DIAPH1: variants seen among roughly 807,000 people sequenced by gnomAD.
DIAPH1 encodes the protein protein diaphanous homolog 1.
Under a neutral mutation model 140.7 loss-of-function variants are expected in DIAPH1, and 46 were observed. That is an observed-to-expected ratio of 0.33 (90% CI 0.26 to 0.42). The LOEUF (loss-of-function observed/expected upper bound fraction) is 0.42, where lower values mean the gene tolerates loss of function less well. Ranked by LOEUF, DIAPH1 falls within the 10% of genes least tolerant of loss-of-function variation. DIAPH1 has a pLI of 1.00. For missense variants in DIAPH1, 1,310 were observed against 1,558.7 expected, an observed-to-expected ratio of 0.84 and a Z score of 2.69; for synonymous variants, 565 against 551.6, an observed-to-expected ratio of 1.02 and a Z score of -0.34.
intron 18 of DIAPH1, chr5:141,564,953 C>T (rs1254242249): frequency 1.3e-5 from 2 of 151,988 alleles, no homozygotes; most frequent in Non-Finnish European, 2.9e-5. Flanking sequence ...TTTTATTTTT[C>T]GTGGAAGTAT....
chr5:141,579,244 C>T lies in DIAPH1; in HGVS notation c.825-48G>A, dbSNP rs370857221. ...AGAGAACTTTCCAGGTACTGTGACA[C>T]GGACACGTATAATGAGTAAATTACA... On this transcript the variant is annotated intron_variant, in intron 8 of 27. Transcript: ENST00000389054. 3.2e-5 allele frequency: 45 copies of T among 1,386,228 alleles called. 1 individual carries two copies. The highest frequency in any genetic ancestry group is 2.3e-4 in the Admixed American group (14 of 59,712). The allele number at this position is 1,386,228 out of a possible 1,614,324, so 85.9% of individuals were successfully genotyped here.
At chr5:141,543,232 A>G (rs1173630326) in intron 18 of DIAPH1, among the ~76,000 whole-genome samples, 4 of 152,206 alleles carry the variant, frequency 2.6e-5, no homozygotes, top group African/African-American at 9.6e-5. Context: ...CGAACCTTGC[A>G]AGCATCATGA....
At chr5:141,578,953 C>T (rs2099896353) in intron 9 of DIAPH1, 135 bp downstream of exon 9, 1 of 790,376 alleles carries the variant, frequency 1.3e-6, no homozygotes, top group African/African-American at 1.7e-5. Context: ...TAATCATTTT[C>T]CCTTCATAAC....
At position 141,516,122 on chromosome 5, in the gene DIAPH1, G is replaced by C. The variant is rs1370592915; in HGVS notation, c.*729C>G. 1 of 156,688 alleles carries C rather than the reference G, an allele frequency of 6.4e-6. No homozygotes were observed. Among genetic ancestry groups the C allele is most frequent in the Non-Finnish European group, 1.4e-5 (1 of 70,780 alleles). The allele number at this position is 156,688 out of a possible 1,614,324, so 9.7% of individuals were successfully genotyped here. A position where few individuals can be genotyped will look rare whatever the true frequency, so the allele number is the denominator to read the frequency against. On this transcript the variant is annotated 3_prime_UTR_variant, in exon 28 of 28. Coordinates refer to ENST00000389054, the MANE Select transcript of DIAPH1 (RefSeq NM_005219.5). ...GCCTGGGGTTGGTGCAGAGCGTCCA[G>C]AGAGGCAAGGGCATAAAGCGTGGCA...
intron 19 of DIAPH1, 101 bp from the exon 20 acceptor site, chr5:141,529,798 T>G: frequency 9.5e-7 from 1 of 1,055,836 alleles, no homozygotes; most frequent in South Asian, 1.3e-5. Context: ...ACAGGGCTCT[T>G]TTAGGCCAGG....
chr5:141,537,643 C>T (rs2099889252), intron 18 of DIAPH1, among the ~76,000 whole-genome samples: 1 of 151,974 alleles, frequency 6.6e-6, no homozygotes, highest in East Asian at 1.9e-4. Context: ...TCCAGTTCCA[C>T]CAAAATGGAG....
At chr5:141,606,788 A>G (rs1596409556) in intron 1 of DIAPH1, among the ~76,000 whole-genome samples, 1 of 152,188 alleles carries the variant, frequency 6.6e-6, no homozygotes, top group East Asian at 1.9e-4. Context: ...CCAGAGATGA[A>G]TAATAATCTC....
At chr5:141,616,747 A>G (rs2099902749) in intron 1 of DIAPH1, among the ~76,000 whole-genome samples, 1 of 152,226 alleles carries the variant, frequency 6.6e-6, no homozygotes, top group Admixed American at 6.5e-5. Context: ...AATTTTCCTC[A>G]TTACCTGAGC....
At chr5:141,521,057 C>T (rs1236950996) in intron 27 of DIAPH1, among the ~76,000 whole-genome samples, 10 of 152,216 alleles carry the variant, frequency 6.6e-5, no homozygotes, top group Admixed American at 2.0e-4. Context: ...CCTGCCACCA[C>T]GCCCGGCTAA....
intron 18 of DIAPH1, among the ~76,000 whole-genome samples, chr5:141,541,044 C>T (rs1455510004): frequency 6.6e-6 from 1 of 151,840 alleles, no homozygotes; most frequent in Non-Finnish European, 1.5e-5. Flanking sequence ...TGGGCTATTT[C>T]ATCAAATATA....
chr5:141,596,249 C>G (rs1212708027), intron 1 of DIAPH1, among the ~76,000 whole-genome samples: 1 of 152,076 alleles, frequency 6.6e-6, no homozygotes, highest in African/African-American at 2.4e-5. Flanking sequence ...AGGAGAATCA[C>G]TTGAACCCGG....
chr5:141,527,699 T>TAAAAAAACAAAAAAAA lies in DIAPH1; in HGVS notation c.3149-3_3149-2insTTTTTTTTGTTTTTTT. 1 of 1,130,080 alleles carries TAAAAAAACAAAAAAAA rather than the reference T, an allele frequency of 8.8e-7. No individual in the cohort carries two copies. The highest frequency in any genetic ancestry group is 1.1e-6 in the Non-Finnish European group (1 of 891,156). The allele number at this position is 1,130,080 out of a possible 1,614,324, so 70.0% of individuals were successfully genotyped here. A position where few individuals can be genotyped will look rare whatever the true frequency, so the allele number is the denominator to read the frequency against. ...TCTTTTGCAAGTTTTCAGCAGAAAC[T>TAAAAAAACAAAAAAAA]AAAAAAAAAAAAAAAAAAAAAAACC... On this transcript the variant is annotated splice_polypyrimidine_tract_variant and splice_region_variant and intron_variant, in intron 23 of 27. Transcript: ENST00000389054.
intron 1 of DIAPH1, among the ~76,000 whole-genome samples, chr5:141,591,425 A>C (rs1284154868): frequency 6.6e-6 from 1 of 151,564 alleles, no homozygotes; most frequent in Admixed American, 6.6e-5. Flanking sequence ...CAAATACTAT[A>C]ATCTAGGCTT....
At chr5:141,548,202 A>G (rs930671504) in intron 18 of DIAPH1, among the ~76,000 whole-genome samples, 13 of 151,904 alleles carry the variant, frequency 8.6e-5, no homozygotes, top group East Asian at 5.8e-4. Flanking sequence ...TTGTTTCAAA[A>G]AAAAAAACCT....
In DIAPH1 at chr5:141,587,202, GA is replaced by G; in HGVS notation, c.145-6del. 6.2e-7 allele frequency: 1 copy of G among 1,613,634 alleles called. No homozygotes were observed. The highest frequency in any genetic ancestry group is 2.2e-5 in the East Asian group (1 of 44,852). ...CATGCTGGTAAATCTCTCCAGCTGA[GA>G]AACAGAAAAAAGCATTAGCAGTGAT... On this transcript the variant is annotated splice_polypyrimidine_tract_variant and splice_region_variant and intron_variant, in intron 2 of 27. Transcript: ENST00000389054.
Position 141,546,183 on chromosome 5 carries a change from C to A in DIAPH1, c.2483-11750G>T, listed in dbSNP as rs528968276. On this transcript the variant is annotated intron_variant, in intron 18 of 27. Coordinates refer to ENST00000389054, the MANE Select transcript of DIAPH1 (RefSeq NM_005219.5). ...GATCACCTGAGGTCAGGAGTTTGAGCGCAGCCTGGCCAACATGGCGAAACC... is the reference window on the plus strand; with the variant it reads ...GATCACCTGAGGTCAGGAGTTTGAGAGCAGCCTGGCCAACATGGCGAAACC... Among the ~76,000 whole-genome samples the A allele has an allele frequency of 1.2e-3, 177 of 151,962 alleles. 2 individuals are homozygous for A. The highest frequency in any genetic ancestry group is 3.4e-3 in the Middle Eastern group (1 of 294).
chr5:141,526,442 T>C lies in DIAPH1; in HGVS notation c.3293A>G (p.Gln1098Arg), dbSNP rs997606547. Residue 1098 changes from glutamine to arginine, a missense_variant, in exon 25 of 28, where the codon CAG becomes CGG. This residue lies in a region of DIAPH1 where 344 missense variants were observed against 512.2 expected (regional missense o/e 0.67). Transcript: ENST00000389054. The stretch of plus-strand genomic sequence containing the variant: ...CATCCGCAGCTTGTTATACTGTTCC[T>C]GTGCATCCTTCACAAAGCTGTGCAG... ...EKMTSFVKDAQEQYNKLRMMH... is the reference protein window; with the variant it reads ...EKMTSFVKDAREQYNKLRMMH... 2.5e-6 allele frequency: 4 copies of C among 1,614,196 alleles called. No homozygotes were observed. Among genetic ancestry groups the C allele is most frequent in the Admixed American group, 3.3e-5 (2 of 60,026 alleles).
chr5:141,571,332 G>T (rs1203466561), intron 18 of DIAPH1, 96 bp downstream of exon 18: 5 of 1,069,330 alleles, frequency 4.7e-6, no homozygotes, highest in Admixed American at 2.4e-5. Context: ...CTCAATCTCT[G>T]GTCTCAGTTT....
chr5:141,559,172 G>A (rs1195809247), intron 18 of DIAPH1, among the ~76,000 whole-genome samples: 1 of 132,952 alleles, frequency 7.5e-6, no homozygotes, highest in Non-Finnish European at 1.8e-5. Context: ...GGGTCTTAAT[G>A]TTAATATAAG....
Sources: allele counts gnomAD v4.1 joint callset (sites outside exome capture counted in the v4.1 genomes callset), GRCh38; gene constraint gnomAD v4.1.1; regional missense constraint gnomAD v4.1.1; transcripts MANE v1.5; gene names NCBI Gene and HGNC (gene_info 2026-07-23, HGNC 2026-07-21).